RABL3: variants seen among roughly 807,000 people sequenced by gnomAD.
The protein encoded by RABL3 is RAB, member of RAS oncogene family like 3, also known as rab-like protein 3.
A neutral mutation model predicts 31.8 loss-of-function variants in RABL3; 31 were observed. That is an observed-to-expected ratio of 0.97 (90% CI 0.73 to 1.31). RABL3 has a LOEUF of 1.31. Ranked by LOEUF, RABL3 falls within the 40% of genes most tolerant of loss-of-function variation. The pLI, the probability that RABL3 is intolerant of heterozygous loss-of-function variation, is 0.00. For missense variants in RABL3, 263 were observed against 279.6 expected (o/e 0.94, Z 0.42); for synonymous variants, 97 against 99.9 (o/e 0.97, Z 0.18).
chr3:120,735,844 G>A (rs781193415), intron 1 of RABL3, among the ~76,000 whole-genome samples: 26 of 152,308 alleles, frequency 1.7e-4, no homozygotes, highest in Non-Finnish European at 3.5e-4. Context: ...TTTCCATGCA[G>A]TTGAGCGGTT....
intron 3 of RABL3, among the ~76,000 whole-genome samples, chr3:120,707,208 C>G (rs1708559334): frequency 6.6e-6 from 1 of 152,100 alleles, no homozygotes; most frequent in Non-Finnish European, 1.5e-5. Flanking sequence ...AGGGCTTGTA[C>G]AAGCTATAGC....
At chr3:120,700,226 A>T (rs768559139) in intron 4 of RABL3, among the ~76,000 whole-genome samples, 17 of 152,174 alleles carry the variant, frequency 1.1e-4, no homozygotes, top group Non-Finnish European at 2.4e-4. Context: ...TTAACATCAC[A>T]AAGAGACACA....
chr3:120,727,900 C>T (rs530175267), intron 2 of RABL3, among the ~76,000 whole-genome samples: 11 of 152,148 alleles, frequency 7.2e-5, no homozygotes, highest in Non-Finnish European at 1.3e-4. Flanking sequence ...GATACAAACT[C>T]TCATTGTAAT....
chr3:120,690,510 AG>A (rs750627508), intron 6 of RABL3, 23 bp from the exon 7 acceptor site: 1 of 1,595,342 alleles, frequency 6.3e-7, no homozygotes, highest in Non-Finnish European at 8.6e-7. Context: ...AAGATTTTAA[AG>A]GCTTAGCACA....
chr3:120,735,102 T>C lies in RABL3; in HGVS notation c.47-4315A>G, dbSNP rs146145423. Among the ~76,000 whole-genome samples the C allele has an allele frequency of 8.2e-3, 1,244 of 152,302 alleles. 10 individuals carry two copies. The highest frequency in any genetic ancestry group is 0.031 in the South Asian group (149 of 4,826). On this transcript the variant is annotated intron_variant, in intron 1 of 7. Transcript: ENST00000273375. ...TTCCCTCTTTTTCCGTTGATTGGAA[T>C]AGTTTCAGAAGGAATGGTACCAGCT...
At chr3:120,698,121 G>A (rs1388949431) in intron 5 of RABL3, among the ~76,000 whole-genome samples, 3 of 152,162 alleles carry the variant, frequency 2.0e-5, no homozygotes, top group Non-Finnish European at 2.9e-5. Flanking sequence ...CTGAGAACGC[G>A]CCACTGCACT....
intron 2 of RABL3, among the ~76,000 whole-genome samples, chr3:120,717,065 C>T (rs1380829267): frequency 6.6e-6 from 1 of 151,916 alleles, no homozygotes; most frequent in Non-Finnish European, 1.5e-5. Context: ...CCAGCCTGGC[C>T]AACATTGTGA....
At chr3:120,697,014 A>C (rs1393080504) in intron 5 of RABL3, among the ~76,000 whole-genome samples, 2 of 152,236 alleles carry the variant, frequency 1.3e-5, no homozygotes, top group Non-Finnish European at 2.9e-5. Flanking sequence ...CATCAGAAGC[A>C]CCTGAGTTAT....
intron 3 of RABL3, among the ~76,000 whole-genome samples, chr3:120,707,159 G>C (rs1214298507): frequency 1.3e-5 from 2 of 152,276 alleles, no homozygotes; most frequent in South Asian, 4.1e-4. Flanking sequence ...GGTAGAATTA[G>C]CTGGCTTCTA....
At chr3:120,692,569 C>A (rs543608500) in intron 6 of RABL3, among the ~76,000 whole-genome samples, 52 of 152,298 alleles carry the variant, frequency 3.4e-4, no homozygotes, top group African/African-American at 1.3e-3. Flanking sequence ...TGGTTGTCAG[C>A]TCCTTTGGTT....
intron 5 of RABL3, 77 bp from the exon 6 acceptor site, chr3:120,694,301 G>T: frequency 1.1e-6 from 1 of 932,534 alleles, no homozygotes; most frequent in Non-Finnish European, 1.7e-6. Flanking sequence ...TTATCCTGTT[G>T]CATATTTCTG....
intron 2 of RABL3, among the ~76,000 whole-genome samples, chr3:120,718,829 G>C (rs191713826): frequency 6.6e-6 from 1 of 152,316 alleles, no homozygotes; most frequent in African/African-American, 2.4e-5. Context: ...TTTAATATCA[G>C]ACAAAATAGT....
At chr3:120,724,469 C>G (rs1708791335) in intron 2 of RABL3, among the ~76,000 whole-genome samples, 1 of 152,114 alleles carries the variant, frequency 6.6e-6, no homozygotes, top group Non-Finnish European at 1.5e-5. Context: ...TCATATGGAA[C>G]CAAAAAAGAG....
Position 120,706,068 on chromosome 3 carries a change from G to A in RABL3, c.315C>T (p.Asn105=), listed in dbSNP as rs1410913780. Residue 105 remains asparagine, a synonymous_variant, in exon 4 of 8, where the codon AAC becomes AAT. Transcript: ENST00000273375. The stretch of plus-strand genomic sequence containing the variant: ...GAGCTTCCAATGACCAACGACGCAA[G>A]TTTTGGGAGGACTTCTTATTTGTTA... ...HDLTNKKSSQ[N]LRRWSLEALN... is the part of the protein sequence containing the mutation. 1.4e-5 allele frequency: 23 copies of A among 1,613,738 alleles called. 2 individuals carry two copies. The highest frequency in any genetic ancestry group is 1.1e-4 in the South Asian group (10 of 91,082).
intron 1 of RABL3, among the ~76,000 whole-genome samples, chr3:120,739,027 C>A (rs963741199): frequency 6.6e-6 from 1 of 152,150 alleles, no homozygotes; most frequent in African/African-American, 2.4e-5. Flanking sequence ...GGTCTTGTTG[C>A]ACCTCAACAG....
intron 1 of RABL3, chr3:120,738,810 A>G (rs1709004281): frequency 1.3e-5 from 2 of 152,164 alleles, no homozygotes; most frequent in African/African-American, 4.8e-5. Flanking sequence ...CATTATTATT[A>G]GATATTTAGG....
At chr3:120,709,396 T>C (rs1394120834) in intron 3 of RABL3, among the ~76,000 whole-genome samples, 1 of 151,960 alleles carries the variant, frequency 6.6e-6, no homozygotes, top group Non-Finnish European at 1.5e-5. Context: ...AAGAAATCCC[T>C]CTATCTCTGT....
intron 2 of RABL3, among the ~76,000 whole-genome samples, chr3:120,726,535 G>C (rs553885096): frequency 8.5e-4 from 129 of 152,190 alleles, no homozygotes; most frequent in Non-Finnish European, 1.6e-3. Flanking sequence ...TAGGTCAGGA[G>C]TTCGAGACCA....
chr3:120,727,862 C>T (rs1708840468), intron 2 of RABL3, among the ~76,000 whole-genome samples: 1 of 152,112 alleles, frequency 6.6e-6, no homozygotes, highest in South Asian at 2.1e-4. Flanking sequence ...CATGAAGAGG[C>T]AACTGGTAAA....
Sources: gnomAD v4.1 joint callset for allele counts (sites outside exome capture counted in the v4.1 genomes callset) on GRCh38, gnomAD v4.1.1 for gene constraint, MANE v1.5 for transcripts, NCBI Gene and HGNC (gene_info 2026-07-23, HGNC 2026-07-21) for gene names.